The following IL1RAPL1 variants were observed in gnomAD, a reference collection of about 807,000 sequenced individuals.
IL1RAPL1 encodes the protein interleukin-1 receptor accessory protein-like 1.
IL1RAPL1 carries 3 observed loss-of-function variants against 48.4 expected under a neutral mutation model. The observed-to-expected ratio is 0.06, with a 90% CI of 0.03 to 0.16. IL1RAPL1 has a LOEUF of 0.16. Among genes scored for constraint, IL1RAPL1 ranks in the 10% least tolerant of loss-of-function variants. The probability of loss-of-function intolerance (pLI) is 1.00; values close to 1 mark genes in which losing one functional copy is unlikely to be tolerated. For synonymous variants in IL1RAPL1, 185 were observed against 187.7 expected, an observed-to-expected ratio of 0.99 and a Z score of 0.12; for missense variants, 349 against 530.6, an observed-to-expected ratio of 0.66 and a Z score of 3.36.
chrX:29,210,122 C>T (rs1432147249), intron 2 of IL1RAPL1, among the ~76,000 whole-genome samples: 2 of 112,084 alleles, frequency 1.8e-5, no homozygotes, highest in African/African-American at 3.2e-5. Context: ...AAACAATGTT[C>T]TCAATCAGAC....
chrX:29,694,289 AT>A (rs1926852362), intron 6 of IL1RAPL1, among the ~76,000 whole-genome samples: 1 of 111,607 alleles, frequency 9.0e-6, no homozygotes, highest in Admixed American at 9.6e-5. Flanking sequence ...TAAGGATGTA[AT>A]TTCAGCTTGC....
chrX:28,892,706 G>C, intron 2 of IL1RAPL1, among the ~76,000 whole-genome samples: 1 of 110,846 alleles, frequency 9.0e-6, no homozygotes, highest in East Asian at 2.9e-4. Flanking sequence ...GTGGATTAGG[G>C]GCGGCGTGGG....
At chrX:28,971,351 A>G (rs1481402010) in intron 2 of IL1RAPL1, among the ~76,000 whole-genome samples, 1 of 112,555 alleles carries the variant, frequency 8.9e-6, no homozygotes, top group Non-Finnish European at 1.9e-5. Flanking sequence ...TGAAAAAAGA[A>G]GAAACAGTTT....
intron 2 of IL1RAPL1, among the ~76,000 whole-genome samples, chrX:28,846,818 G>GA (rs1249461912): frequency 8.9e-6 from 1 of 111,896 alleles, no homozygotes; most frequent in East Asian, 2.8e-4. Flanking sequence ...TTCTTGTCAT[G>GA]AGATGCAGAA....
intron 2 of IL1RAPL1, among the ~76,000 whole-genome samples, chrX:28,917,138 T>C (rs1213457778): frequency 1.8e-5 from 2 of 111,961 alleles, no homozygotes; most frequent in Non-Finnish European, 3.8e-5. Flanking sequence ...GAATGTATTT[T>C]AACTGGGACT....
intron 6 of IL1RAPL1, among the ~76,000 whole-genome samples, chrX:29,839,835 C>T (rs1004456682): frequency 1.8e-5 from 2 of 111,968 alleles, no homozygotes; most frequent in Non-Finnish European, 3.8e-5. Flanking sequence ...GCAGGAGGAT[C>T]ACTTGAGCCC....
At chrX:28,690,250 C>T (rs1283472654) in intron 1 of IL1RAPL1, among the ~76,000 whole-genome samples, 2 of 111,753 alleles carry the variant, frequency 1.8e-5, no homozygotes, top group Non-Finnish European at 3.8e-5. Context: ...GAATGGCTTC[C>T]GGGGTCTGTT....
intron 5 of IL1RAPL1, among the ~76,000 whole-genome samples, chrX:29,606,188 G>A (rs1335595646): frequency 8.9e-6 from 1 of 111,757 alleles, no homozygotes; most frequent in African/African-American, 3.2e-5. Context: ...TTTAAGTTAT[G>A]CATAGAAATG....
chrX:28,887,937 G>A (rs1227195815), intron 2 of IL1RAPL1, among the ~76,000 whole-genome samples: 1 of 111,118 alleles, frequency 9.0e-6, no homozygotes, highest in Non-Finnish European at 1.9e-5. Flanking sequence ...AACTAGCAAT[G>A]AAAAAATAAA....
At chrX:29,894,206 G>A (rs1169278418) in intron 6 of IL1RAPL1, among the ~76,000 whole-genome samples, 1 of 111,969 alleles carries the variant, frequency 8.9e-6, no homozygotes, top group Non-Finnish European at 1.9e-5. Flanking sequence ...TTCCTACGAG[G>A]TGGTAAGCCA....
intron 2 of IL1RAPL1, among the ~76,000 whole-genome samples, chrX:29,149,736 G>A (rs1039526292): frequency 1.8e-5 from 2 of 111,946 alleles, no homozygotes; most frequent in Non-Finnish European, 3.8e-5. Context: ...CTATCGCAGT[G>A]TTGGGTAATA....
chrX:29,935,276 G>A (rs917289648), intron 8 of IL1RAPL1, among the ~76,000 whole-genome samples: 16 of 110,749 alleles, frequency 1.4e-4, no homozygotes, highest in Non-Finnish European at 2.8e-4. Flanking sequence ...ACTATGAGAC[G>A]GTGTGAATAT....
At chrX:29,116,756 G>A (rs1350153278) in intron 2 of IL1RAPL1, among the ~76,000 whole-genome samples, 1 of 111,095 alleles carries the variant, frequency 9.0e-6, no homozygotes, top group Non-Finnish European at 1.9e-5. Flanking sequence ...GAAAAATATC[G>A]AAGAGAGTGA....
intron 2 of IL1RAPL1, among the ~76,000 whole-genome samples, chrX:28,907,459 T>C (rs1398503974): frequency 8.9e-6 from 1 of 111,896 alleles, no homozygotes; most frequent in Non-Finnish European, 1.9e-5. Flanking sequence ...TTTGCCATGT[T>C]GACCAGGGCT....
intron 9 of IL1RAPL1, among the ~76,000 whole-genome samples, chrX:29,944,345 A>G (rs1257347149): frequency 9.0e-6 from 1 of 111,092 alleles, no homozygotes; most frequent in African/African-American, 3.3e-5. Flanking sequence ...TCAGGGCCCC[A>G]CTCTTAACTC....
chrX:29,212,059 G>C (rs956922740), intron 2 of IL1RAPL1, among the ~76,000 whole-genome samples: 1 of 111,196 alleles, frequency 9.0e-6, no homozygotes, highest in Non-Finnish European at 1.9e-5. Context: ...ATCTTCACAT[G>C]TCCTAACCTG....
At position 29,282,838 on chromosome X, in the gene IL1RAPL1, T is replaced by C. The variant is rs145543420; in HGVS notation, c.83-100T>C. On this transcript the variant is annotated intron_variant, in intron 2 of 10. Coordinates refer to ENST00000378993, the MANE Select transcript of IL1RAPL1 (RefSeq NM_014271.4). ...AGAATAAAATCTGACCCAATATGGA[T>C]GCTCAGTAAATATTTGTTGGATGAA... The C allele has an allele frequency of 0.014, 11,928 of 865,262 alleles. 86 individuals carry two copies. Among genetic ancestry groups the C allele is most frequent in the Non-Finnish European group, 0.017 (10,401 of 600,606 alleles). The allele number at this position is 865,262 out of a possible 1,213,427, so 71.3% of individuals were successfully genotyped here.
At chrX:29,915,025 G>A (rs1170684645) in intron 6 of IL1RAPL1, among the ~76,000 whole-genome samples, 1 of 108,197 alleles carries the variant, frequency 9.2e-6, no homozygotes, top group African/African-American at 3.7e-5. Context: ...GCTGGACGTG[G>A]TGGCTCACGC....
chrX:29,487,626 C>A (rs1383815880), intron 5 of IL1RAPL1, among the ~76,000 whole-genome samples: 1 of 112,330 alleles, frequency 8.9e-6, no homozygotes, highest in African/African-American at 3.2e-5. Flanking sequence ...CCACTATAAC[C>A]ACTACAGTTA....
Sources: gnomAD v4.1 joint callset for allele counts (sites outside exome capture counted in the v4.1 genomes callset) on GRCh38, gnomAD v4.1.1 for gene constraint, MANE v1.5 for transcripts, NCBI Gene and HGNC (gene_info 2026-07-23, HGNC 2026-07-21) for gene names.